The following RBFOX1 variants were observed in gnomAD, a reference collection of about 807,000 sequenced individuals.
RBFOX1 encodes the protein RNA binding fox-1 homolog 1.
Under a neutral mutation model 57.7 loss-of-function variants are expected in RBFOX1, and 8 were observed. The observed-to-expected ratio is 0.14, with a 90% CI of 0.08 to 0.25. The LOEUF (loss-of-function observed/expected upper bound fraction) is 0.25. Ranked by LOEUF, RBFOX1 falls within the 10% of genes least tolerant of loss-of-function variation. RBFOX1 has a pLI of 1.00. For synonymous variants in RBFOX1, 326 were observed against 222.4 expected (o/e 1.47, Z -4.15); for missense variants, 611 against 548.5 (o/e 1.11, Z -1.14).
At chr16:5,402,656 G>A (rs1042201921) in intron 1 of RBFOX1, among the ~76,000 whole-genome samples, 1 of 152,080 alleles carries the variant, frequency 6.6e-6, no homozygotes, top group Admixed American at 6.5e-5. Context: ...TGCTTCCCGT[G>A]GTTGTGTCTC....
At chr16:5,254,315 C>T (rs1214138135) in intron 1 of RBFOX1, among the ~76,000 whole-genome samples, 2 of 152,168 alleles carry the variant, frequency 1.3e-5, no homozygotes, top group Non-Finnish European at 2.9e-5. Context: ...GAGTGAGAGA[C>T]AACTTTAGGA....
chr16:6,839,667 C>A (rs754932949), intron 3 of RBFOX1, among the ~76,000 whole-genome samples: 1 of 152,120 alleles, frequency 6.6e-6, no homozygotes, highest in Non-Finnish European at 1.5e-5. Context: ...TGCAAACTCT[C>A]CTATTTTTAA....
At chr16:6,495,539 C>A (rs1303735341) in intron 2 of RBFOX1, among the ~76,000 whole-genome samples, 2 of 152,158 alleles carry the variant, frequency 1.3e-5, no homozygotes, top group Non-Finnish European at 2.9e-5. Flanking sequence ...ATTGATATCA[C>A]CCTGAAAAGA....
At chr16:5,663,087 G>A (rs1472086740) in intron 3 of RBFOX1, among the ~76,000 whole-genome samples, 1 of 152,142 alleles carries the variant, frequency 6.6e-6, no homozygotes, top group African/African-American at 2.4e-5. Flanking sequence ...GCTGACATGT[G>A]GTAGGTATAG....
intron 1 of RBFOX1, among the ~76,000 whole-genome samples, chr16:6,022,695 AAAACAAAC>A (rs571397142): frequency 3.7e-4 from 56 of 152,332 alleles, no homozygotes; most frequent in Middle Eastern, 3.4e-3. Flanking sequence ...AAAACAAAAC[AAAACAAAC>A]AAACAAACAA....
chr16:6,260,527 C>T (rs777997818), intron 1 of RBFOX1, among the ~76,000 whole-genome samples: 79 of 152,038 alleles, frequency 5.2e-4, no homozygotes, highest in Non-Finnish European at 1.9e-4. Context: ...AATTAAAAGC[C>T]ATTGAGAAAT....
At chr16:7,290,896 C>G (rs2095757134) in intron 4 of RBFOX1, among the ~76,000 whole-genome samples, 1 of 152,162 alleles carries the variant, frequency 6.6e-6, no homozygotes, top group African/African-American at 2.4e-5. Flanking sequence ...CAGCAATACC[C>G]CTGTGAAGAA....
chr16:6,030,209 A>G (rs999349575), intron 1 of RBFOX1, among the ~76,000 whole-genome samples: 3 of 152,214 alleles, frequency 2.0e-5, no homozygotes, highest in Non-Finnish European at 2.9e-5. Context: ...ATGAGCCACT[A>G]TGCCCAGCCC....
At chr16:6,973,341 C>T (rs748723311) in intron 3 of RBFOX1, among the ~76,000 whole-genome samples, 1 of 152,158 alleles carries the variant, frequency 6.6e-6, no homozygotes, top group Non-Finnish European at 1.5e-5. Flanking sequence ...CAGACAAAAG[C>T]AGCACTTATT....
intron 3 of RBFOX1, among the ~76,000 whole-genome samples, chr16:6,937,288 C>A (rs1022344464): frequency 1.3e-5 from 2 of 152,148 alleles, no homozygotes; most frequent in African/African-American, 2.4e-5. Context: ...AACACTGTTT[C>A]CTTTTTACCT....
rs546101310 is a variant in RBFOX1, at chr16:7,300,687, A to C, written c.28-217460A>C. ...ATAATAAATAGTTATGAAAATGAGAAAAGAAAAAAATGGTTTCCATTCTTC... is the reference window on the plus strand; with the variant it reads ...ATAATAAATAGTTATGAAAATGAGACAAGAAAAAAATGGTTTCCATTCTTC... On this transcript the variant is annotated intron_variant, in intron 4 of 15. Transcript: ENST00000550418. Among the ~76,000 whole-genome samples, 23 of 152,366 alleles carry C rather than the reference A, an allele frequency of 1.5e-4. No homozygotes were observed. In the East Asian group the frequency reaches 3.9e-3, roughly 26 times the overall value.
intron 2 of RBFOX1, among the ~76,000 whole-genome samples, chr16:6,546,623 C>G (rs1599457009): frequency 1.3e-5 from 2 of 152,294 alleles, no homozygotes; most frequent in East Asian, 3.9e-4. Context: ...CCACATTTCT[C>G]CTTCTTATAA....
intron 3 of RBFOX1, among the ~76,000 whole-genome samples, chr16:6,731,898 C>T (rs2154174391): frequency 6.6e-6 from 1 of 152,144 alleles, no homozygotes; most frequent in South Asian, 2.1e-4. Flanking sequence ...CTGGGTCTTC[C>T]TATGTTTTCT....
At chr16:5,525,463 G>A (rs1431681148) in intron 2 of RBFOX1, among the ~76,000 whole-genome samples, 5 of 150,046 alleles carry the variant, frequency 3.3e-5, no homozygotes, top group Admixed American at 1.3e-4. Context: ...GACTCACACC[G>A]AGATAGGCTG....
At chr16:6,892,739 T>G (rs115444516) in intron 3 of RBFOX1, among the ~76,000 whole-genome samples, 2,764 of 150,592 alleles carry the variant, frequency 0.018, 50 homozygotes, top group African/African-American at 0.024. Context: ...GAAGCAGAAG[T>G]ATCAGAAATG....
intron 2 of RBFOX1, among the ~76,000 whole-genome samples, chr16:5,590,261 A>G (rs115546269): frequency 0.011 from 1,647 of 152,326 alleles, 11 homozygotes; most frequent in Middle Eastern, 0.031. Context: ...GGGGAAAAAA[A>G]ACCGAGCTCA....
At chr16:7,073,369 TC>T in intron 4 of RBFOX1, among the ~76,000 whole-genome samples, 1 of 152,262 alleles carries the variant, frequency 6.6e-6, no homozygotes, top group South Asian at 2.1e-4. Flanking sequence ...AAGAAGATCT[TC>T]CCAACAAAGC....
At chr16:5,634,983 A>G (rs1425418504) in intron 3 of RBFOX1, among the ~76,000 whole-genome samples, 3 of 152,200 alleles carry the variant, frequency 2.0e-5, no homozygotes, top group African/African-American at 7.2e-5. Flanking sequence ...GAGGAGAGTC[A>G]CCATGATTGG....
chr16:5,477,171 C>A (rs1223081436), intron 2 of RBFOX1, among the ~76,000 whole-genome samples: 1 of 152,200 alleles, frequency 6.6e-6, no homozygotes, highest in Non-Finnish European at 1.5e-5. Flanking sequence ...CATGCCACTA[C>A]ATCCAGCTAA....
Sources: gnomAD v4.1 joint callset for allele counts (sites outside exome capture counted in the v4.1 genomes callset) on GRCh38, gnomAD v4.1.1 for gene constraint, MANE v1.5 for transcripts, NCBI Gene and HGNC (gene_info 2026-07-23, HGNC 2026-07-21) for gene names.